ACSL6: variants seen among roughly 807,000 people sequenced by gnomAD.
ACSL6 encodes long-chain-fatty-acid--CoA ligase 6.
A neutral mutation model predicts 98.2 loss-of-function variants in ACSL6; 47 were observed. That is an observed-to-expected ratio of 0.48 (90% CI 0.38 to 0.61). The LOEUF (loss-of-function observed/expected upper bound fraction) is 0.61. ACSL6 is among the 20% of genes least tolerant of loss of function. The pLI is 0.00. For synonymous variants in ACSL6, 362 were observed against 336.9 expected (o/e 1.07, Z -0.82); for missense variants, 761 against 913.4 (o/e 0.83, Z 2.15).
Position 131,956,506 on chromosome 5 carries a change from C to T in ACSL6, c.2032-2135G>A, listed in dbSNP as rs1010843484. On this transcript the variant is annotated intron_variant, in intron 20 of 20. Coordinates refer to ENST00000651883, the MANE Select transcript of ACSL6 (RefSeq NM_001009185.3). Reference sequence around the variant, plus strand: ...CAGTCCCTTAGTGAGCAGGTCGGAGCGGCACTGCTGCTAGGCTGCCAGTCC... The same window carrying T: ...CAGTCCCTTAGTGAGCAGGTCGGAGTGGCACTGCTGCTAGGCTGCCAGTCC... Among the ~76,000 whole-genome samples the T allele has an allele frequency of 2.6e-5, 4 of 152,180 alleles. 1 individual carries two copies. In the South Asian group the frequency reaches 8.3e-4, roughly 31 times the overall value.
At chr5:131,974,368 C>T (rs1243960560) in intron 11 of ACSL6, among the ~76,000 whole-genome samples, 1 of 152,230 alleles carries the variant, frequency 6.6e-6, no homozygotes, top group Non-Finnish European at 1.5e-5. Flanking sequence ...CCCAACTTTA[C>T]TCTTTTGTTT....
intron 1 of ACSL6, among the ~76,000 whole-genome samples, chr5:132,008,189 C>CA (rs1481849229): frequency 6.6e-6 from 1 of 152,220 alleles, no homozygotes; most frequent in Non-Finnish European, 1.5e-5. Flanking sequence ...GGAGCTCTAC[C>CA]ATCTGTCCCA....
intron 3 of ACSL6, 104 bp downstream of exon 3, chr5:131,990,749 G>T: frequency 9.7e-7 from 1 of 1,033,178 alleles, no homozygotes; most frequent in Non-Finnish European, 1.5e-6. Flanking sequence ...CCTGGGGATA[G>T]CTCACCTGCC....
intron 16 of ACSL6, 63 bp downstream of exon 16, chr5:131,967,877 T>C (rs551879748): frequency 9.2e-6 from 13 of 1,420,060 alleles, no homozygotes; most frequent in East Asian, 9.1e-5. Context: ...CCATCCCTAC[T>C]GTTCTTGTTT....
chr5:131,972,903 C>T, intron 12 of ACSL6, 45 bp from the exon 13 acceptor site: 1 of 1,613,426 alleles, frequency 6.2e-7, no homozygotes, highest in Non-Finnish European at 8.5e-7. Context: ...CTGAATGTCT[C>T]ATTTCTAGAT....
chr5:131,969,027 G>A (rs997468116), intron 15 of ACSL6, among the ~76,000 whole-genome samples: 2 of 152,198 alleles, frequency 1.3e-5, no homozygotes, highest in Non-Finnish European at 2.9e-5. Flanking sequence ...GTAGATACTG[G>A]AAGAATCTGC....
chr5:131,962,170 C>G (rs913886841), intron 18 of ACSL6, among the ~76,000 whole-genome samples: 2 of 152,050 alleles, frequency 1.3e-5, no homozygotes, highest in Middle Eastern at 3.4e-3. Flanking sequence ...CCACTGTACT[C>G]CAGCCTGGGT....
chr5:131,952,793 T>A lies in ACSL6; in HGVS notation c.*1441A>T, dbSNP rs185794490. The A allele has an allele frequency of 5.0e-5, 11 of 218,472 alleles. No homozygotes were observed. Among genetic ancestry groups the A allele is most frequent in the African/African-American group, 1.6e-4 (7 of 44,622 alleles). The allele number at this position is 218,472 out of a possible 1,614,324, so 13.5% of individuals were successfully genotyped here. A position where few individuals can be genotyped will look rare whatever the true frequency, so the allele number is the denominator to read the frequency against. ...TCGGCACGCTTAAAGATTTTAGGAA[T>A]GTAATTATGCCATTAGGCAGTATTT... On this transcript the variant is annotated 3_prime_UTR_variant, in exon 21 of 21. Coordinates refer to ENST00000651883, the MANE Select transcript of ACSL6 (RefSeq NM_001009185.3).
rs1752665296 is a variant in ACSL6 at position 131,960,786 on chromosome 5, A to G, written c.1858-165T>C. ...AATCTTTCTGCCAATATATCATACC[A>G]TTCATTTTCTGATATATTCCCCTAG... On this transcript the variant is annotated intron_variant, in intron 18 of 20. Coordinates refer to ENST00000651883, the MANE Select transcript of ACSL6 (RefSeq NM_001009185.3). 5.6e-6 allele frequency: 3 copies of G among 534,370 alleles called. No homozygotes were observed. In the East Asian group the frequency reaches 9.5e-5, roughly 17 times the overall value. 33.1% of individuals were successfully genotyped at this position (534,370 alleles called of 1,614,324 possible).
At chr5:131,998,782 GT>G (rs2126935982) in intron 1 of ACSL6, among the ~76,000 whole-genome samples, 1 of 152,314 alleles carries the variant, frequency 6.6e-6, no homozygotes, top group African/African-American at 2.4e-5. Flanking sequence ...TGTTACCAAA[GT>G]TATTTCCTGA....
At chr5:132,012,091 G>T, upstream of ACSL6, 1 of 871,196 alleles carries the variant, frequency 1.1e-6, no homozygotes, top group Non-Finnish European at 1.7e-6. Context: ...GCGGTTACCT[G>T]TCCTAGGAGG....
Position 131,952,691 on chromosome 5 carries a change from A to C in ACSL6, c.*1543T>G, listed in dbSNP as rs1383969115. The C allele has an allele frequency of 4.6e-6, 1 of 215,498 alleles. No homozygotes were observed. 13.3% of individuals were successfully genotyped at this position (215,498 alleles called of 1,614,324 possible). ...TGTCCATGGTATCTGGCCTTTAATTATAAGAAATTGTTGACACCCCAATAC... is the reference window on the plus strand; with the variant it reads ...TGTCCATGGTATCTGGCCTTTAATTCTAAGAAATTGTTGACACCCCAATAC... On this transcript the variant is annotated 3_prime_UTR_variant, in exon 21 of 21. Coordinates refer to ENST00000651883, the MANE Select transcript of ACSL6 (RefSeq NM_001009185.3).
intron 8 of ACSL6, among the ~76,000 whole-genome samples, chr5:131,986,138 G>A (rs1453466896): frequency 1.3e-5 from 2 of 152,238 alleles, no homozygotes; most frequent in Non-Finnish European, 2.9e-5. Flanking sequence ...GCAGAAGAGA[G>A]AAAGGGTGCT....
At chr5:131,983,210 G>T (rs537722064) in intron 9 of ACSL6, 4 of 152,272 alleles carry the variant, frequency 2.6e-5, no homozygotes. Flanking sequence ...AATGGGTTCA[G>T]ATTCCAGTCC....
chr5:131,974,794 A>T, intron 11 of ACSL6, 99 bp downstream of exon 11: 1 of 1,612,698 alleles, frequency 6.2e-7, no homozygotes, highest in Admixed American at 1.7e-5. Flanking sequence ...CTAAAGGCAA[A>T]TAGGAAATGT....
chr5:131,955,680 TTA>T (rs1752367203), intron 20 of ACSL6, among the ~76,000 whole-genome samples: 1 of 152,234 alleles, frequency 6.6e-6, no homozygotes, highest in African/African-American at 2.4e-5. Flanking sequence ...AGCACTGCTC[TTA>T]TGTTTTGTGC....
rs957266916 is a variant in ACSL6 at position 132,011,615 on chromosome 5, C to A, written c.-62G>T. 7.2e-7 allele frequency: 1 copy of A among 1,388,566 alleles called. No individual in the cohort carries two copies. The highest frequency in any genetic ancestry group is 9.3e-7 in the Non-Finnish European group (1 of 1,073,240). 86.0% of individuals were successfully genotyped at this position (1,388,566 alleles called of 1,614,324 possible). A position where few individuals can be genotyped will look rare whatever the true frequency, so the allele number is the denominator to read the frequency against. ...TCCCCGACCCGCAGCCCCGCAGCCCCGCAGCCCAGCAGCCCCAGCAGTAGC... is the reference window on the plus strand; with the variant it reads ...TCCCCGACCCGCAGCCCCGCAGCCCAGCAGCCCAGCAGCCCCAGCAGTAGC... On this transcript the variant is annotated 5_prime_UTR_variant, in exon 1 of 21. Coordinates refer to ENST00000651883, the MANE Select transcript of ACSL6 (RefSeq NM_001009185.3). The surrounding 1 kb of genome is among the most constrained non-coding windows in gnomAD (Gnocchi z 5.4).
chr5:131,996,293 T>A (rs1467581869), intron 1 of ACSL6, among the ~76,000 whole-genome samples: 1 of 152,204 alleles, frequency 6.6e-6, no homozygotes. Flanking sequence ...CACAGTAGAT[T>A]CACCAGGGAA....
In ACSL6 at chr5:131,953,357, T is replaced by A. The variant is rs1015468109; in HGVS notation, c.*877A>T. The stretch of plus-strand genomic sequence containing the variant: ...GGCTGGGAACAATGGCTCATGCCTG[T>A]AATCCTAGCACTTAGGGAGGCCAAG... On this transcript the variant is annotated 3_prime_UTR_variant, in exon 21 of 21. Coordinates refer to ENST00000651883, the MANE Select transcript of ACSL6 (RefSeq NM_001009185.3). 1 of 183,532 alleles carries A rather than the reference T, an allele frequency of 5.4e-6. No homozygotes were observed. Among genetic ancestry groups the A allele is most frequent in the African/African-American group, 2.4e-5 (1 of 42,552 alleles). 11.4% of individuals were successfully genotyped at this position (183,532 alleles called of 1,614,324 possible).
Sources: gnomAD v4.1 joint callset for allele counts (sites outside exome capture counted in the v4.1 genomes callset) on GRCh38, gnomAD v4.1.1 for gene constraint, Gnocchi (gnomAD v3.1) non-coding constraint, MANE v1.5 for transcripts, NCBI Gene and HGNC (gene_info 2026-07-23, HGNC 2026-07-21) for gene names.